The following AMPH variants were observed in gnomAD, a reference collection of about 807,000 sequenced individuals.
AMPH encodes amphiphysin (Stiff-Mann syndrome with breast cancer 128kD autoantigen).
A neutral mutation model predicts 99.1 loss-of-function variants in AMPH; 49 were observed. That is an observed-to-expected ratio of 0.49 (90% CI 0.39 to 0.63). The LOEUF is 0.63. Ranked by LOEUF, AMPH falls within the 20% of genes least tolerant of loss-of-function variation. AMPH has a pLI of 0.00. For synonymous variants in AMPH, 314 were observed against 317.3 expected, an observed-to-expected ratio of 0.99 and a Z score of 0.11; for missense variants, 759 against 863.4, an observed-to-expected ratio of 0.88 and a Z score of 1.52.
rs1017937561 is a variant in AMPH, at chr7:38,404,290, A to G, written c.1399-10076T>C. ...GGGCAGGTGCCTCCATTCATCATCC[A>G]GCTACCCAAGGGTAAGCCAGCTGTC... On this transcript the variant is annotated intron_variant, in intron 17 of 20. Transcript: ENST00000356264. Among the ~76,000 whole-genome samples, 6 of 152,180 alleles carry G rather than the reference A, an allele frequency of 3.9e-5. No individual in the cohort carries two copies. In the South Asian group the frequency reaches 6.2e-4, roughly 16 times the overall value.
chr7:38,542,064 G>A (rs544793123), intron 1 of AMPH, among the ~76,000 whole-genome samples: 7 of 152,168 alleles, frequency 4.6e-5, no homozygotes, highest in East Asian at 1.9e-4. Context: ...AAAAAATATT[G>A]GTGGGGAAAA....
Position 38,612,364 on chromosome 7 carries a change from C to A in AMPH, c.69+18919G>T, listed in dbSNP as rs187631527. Among the ~76,000 whole-genome samples the A allele has an allele frequency of 3.9e-5, 6 of 152,180 alleles. No individual in the cohort carries two copies. In the East Asian group the frequency reaches 1.2e-3, roughly 29 times the overall value. ...GTGCTGGGATTACAGGCATGAACCA[C>A]CGCACCCGGCCTGTTTTTGTCTTTT... On this transcript the variant is annotated intron_variant, in intron 1 of 20. Coordinates refer to ENST00000356264, the MANE Select transcript of AMPH (RefSeq NM_001635.4).
intron 2 of AMPH, among the ~76,000 whole-genome samples, chr7:38,510,285 C>T (rs573739468): frequency 6.6e-6 from 1 of 152,204 alleles, no homozygotes; most frequent in South Asian, 2.1e-4. Context: ...TATGAGGACA[C>T]CAGTCCTGCT....
chr7:38,612,379 T>C (rs1793719296), intron 1 of AMPH, among the ~76,000 whole-genome samples: 1 of 152,070 alleles, frequency 6.6e-6, no homozygotes, highest in Non-Finnish European at 1.5e-5. Context: ...CCCGGCCTGT[T>C]TTTGTCTTTT....
At position 38,570,995 on chromosome 7, in the gene AMPH, T is replaced by TAGA. The variant is rs1281022401; in HGVS notation, c.70-35985_70-35984insTCT. Among the ~76,000 whole-genome samples, 15 of 10,824 alleles carry TAGA rather than the reference T, an allele frequency of 1.4e-3. 2 individuals carry two copies. Among genetic ancestry groups the TAGA allele is most frequent in the African/African-American group, 4.3e-3 (12 of 2,804 alleles). The allele number at this position is 10,824 out of a possible 152,430, so 7.1% of individuals were successfully genotyped here. ...AATATATATATATTCAATATATATA[T>TAGA]ATTCATATATATAGAATATATATAT... On this transcript the variant is annotated intron_variant, in intron 1 of 20. Transcript: ENST00000356264.
chr7:38,596,763 C>T (rs1369247372), intron 1 of AMPH, among the ~76,000 whole-genome samples: 2 of 152,200 alleles, frequency 1.3e-5, no homozygotes, highest in Non-Finnish European at 2.9e-5. Flanking sequence ...ACAAATCTCA[C>T]CAATTCTACC....
At chr7:38,411,545 G>A (rs1785216681) in intron 17 of AMPH, among the ~76,000 whole-genome samples, 1 of 152,162 alleles carries the variant, frequency 6.6e-6, no homozygotes, top group African/African-American at 2.4e-5. Flanking sequence ...ACAGGAACAG[G>A]CAAGAAGTGA....
chr7:38,473,532 G>A lies in AMPH; in HGVS notation c.590+1799C>T, dbSNP rs1408234090. ...ATCCTGGCTAACAAGGTGAAACCCC[G>A]TCTCTACTAAAAATACAAAAAATTA... On this transcript the variant is annotated intron_variant, in intron 7 of 20. Transcript: ENST00000356264. Among the ~76,000 whole-genome samples the A allele has an allele frequency of 3.6e-5, 3 of 84,172 alleles. 1 individual carries two copies. Among genetic ancestry groups the A allele is most frequent in the Non-Finnish European group, 6.8e-5 (3 of 43,966 alleles). 55.2% of individuals were successfully genotyped at this position (84,172 alleles called of 152,430 possible).
intron 1 of AMPH, among the ~76,000 whole-genome samples, chr7:38,562,767 A>C (rs1267238237): frequency 2.0e-5 from 3 of 152,250 alleles, no homozygotes; most frequent in African/African-American, 7.2e-5. Context: ...GCCATTATTA[A>C]GAATATTGCA....
chr7:38,398,182 C>A (rs1241379639), intron 17 of AMPH, among the ~76,000 whole-genome samples: 115 of 114,614 alleles, frequency 1.0e-3, no homozygotes, highest in East Asian at 1.5e-3. Context: ...GGTATATACT[C>A]AAAAAAAAAA....
chr7:38,564,177 C>A (rs2129049782), intron 1 of AMPH, among the ~76,000 whole-genome samples: 1 of 152,292 alleles, frequency 6.6e-6, no homozygotes, highest in East Asian at 1.9e-4. Context: ...TATGTGAAAG[C>A]AAGGGCATAA....
chr7:38,555,219 G>T lies in AMPH; in HGVS notation c.70-20208C>A, dbSNP rs115056323. Reference sequence around the variant, plus strand: ...CAGGTATTCAAGACCAGCCTGGGTAGCATAGTGAGAACCTGTCTCTAACAC... The same window carrying T: ...CAGGTATTCAAGACCAGCCTGGGTATCATAGTGAGAACCTGTCTCTAACAC... On this transcript the variant is annotated intron_variant, in intron 1 of 20. Transcript: ENST00000356264. Among the ~76,000 whole-genome samples the T allele has an allele frequency of 8.9e-3, 1,328 of 149,658 alleles. 22 individuals carry two copies. The highest frequency in any genetic ancestry group is 0.03 in the African/African-American group (1,230 of 40,420).
intron 12 of AMPH, 102 bp from the exon 13 acceptor site, chr7:38,432,314 A>AT: frequency 9.2e-7 from 1 of 1,089,810 alleles, no homozygotes; most frequent in African/African-American, 1.6e-5. Flanking sequence ...TTTTTTAAGC[A>AT]TTTTGTACAG....
chr7:38,439,767 A>G (rs1314412759), intron 11 of AMPH, among the ~76,000 whole-genome samples: 1 of 152,188 alleles, frequency 6.6e-6, no homozygotes, highest in Non-Finnish European at 1.5e-5. Flanking sequence ...ATAGGAAAAC[A>G]TTGCCAATTA....
intron 1 of AMPH, among the ~76,000 whole-genome samples, chr7:38,588,021 G>A (rs868586131): frequency 1.2e-4 from 18 of 151,182 alleles, no homozygotes; most frequent in South Asian, 4.2e-4. Flanking sequence ...GCGTGATCTC[G>A]GTTCACTGCA....
At chr7:38,412,245 C>A (rs1289123285) in intron 17 of AMPH, among the ~76,000 whole-genome samples, 1 of 152,092 alleles carries the variant, frequency 6.6e-6, no homozygotes, top group Non-Finnish European at 1.5e-5. Flanking sequence ...TGAATTTCAC[C>A]TCAGAAGAAA....
intron 1 of AMPH, among the ~76,000 whole-genome samples, chr7:38,565,988 T>C (rs961976420): frequency 1.3e-5 from 2 of 152,142 alleles, no homozygotes; most frequent in Non-Finnish European, 2.9e-5. Flanking sequence ...GATATCTTCA[T>C]ATGAAAATAT....
At chr7:38,460,438 C>T (rs1000829260) in intron 11 of AMPH, among the ~76,000 whole-genome samples, 1 of 152,092 alleles carries the variant, frequency 6.6e-6, no homozygotes, top group Non-Finnish European at 1.5e-5. Context: ...GAGAATCAAC[C>T]TAAGTGTCCA....
intron 1 of AMPH, among the ~76,000 whole-genome samples, chr7:38,541,139 G>A (rs908666660): frequency 6.6e-6 from 1 of 151,914 alleles, no homozygotes; most frequent in African/African-American, 2.4e-5. Flanking sequence ...GACATGGAGG[G>A]GTGGTCTTCT....
Sources: gnomAD v4.1 joint callset for allele counts (sites outside exome capture counted in the v4.1 genomes callset) on GRCh38, gnomAD v4.1.1 for gene constraint, MANE v1.5 for transcripts, NCBI Gene and HGNC (gene_info 2026-07-23, HGNC 2026-07-21) for gene names.